Variants in ZFHX3 observed in about 807,000 individuals in gnomAD.
ZFHX3 encodes the protein zinc finger homeobox 3, also known as zinc finger homeobox protein 3.
Under a neutral mutation model 279.1 loss-of-function variants are expected in ZFHX3, and 42 were observed. The ratio of observed to expected loss-of-function variants is 0.15; its 90% CI spans 0.12 to 0.19. The LOEUF is 0.19. Among genes scored for constraint, ZFHX3 ranks in the 10% least tolerant of loss-of-function variants. The pLI, the probability that ZFHX3 is intolerant of heterozygous loss-of-function variation, is 1.00. For missense variants in ZFHX3, 4,981 were observed against 4,754.0 expected (o/e 1.05, Z -1.40); for synonymous variants, 2,293 against 1,957.8 (o/e 1.17, Z -4.52).
intron 2 of ZFHX3, among the ~76,000 whole-genome samples, chr16:73,575,194 C>T (rs955920729): frequency 1.3e-5 from 2 of 152,172 alleles, no homozygotes; most frequent in African/African-American, 2.4e-5. Context: ...AATCCTGCTC[C>T]TGGAATATGT....
At chr16:73,250,686 A>T (rs2013459889) in intron 5 of ZFHX3, among the ~76,000 whole-genome samples, 1 of 150,682 alleles carries the variant, frequency 6.6e-6, no homozygotes, top group Non-Finnish European at 1.5e-5. Context: ...GGTGCCCGCC[A>T]CCACGTCTGG....
chr16:73,334,560 C>T (rs1487252820), intron 3 of ZFHX3, among the ~76,000 whole-genome samples: 1 of 152,074 alleles, frequency 6.6e-6, no homozygotes, highest in Non-Finnish European at 1.5e-5. Context: ...CCGAGGTTGG[C>T]AGAGGGGCCA....
intron 3 of ZFHX3, among the ~76,000 whole-genome samples, chr16:73,333,771 G>A (rs1179538818): frequency 6.9e-6 from 1 of 145,308 alleles, no homozygotes; most frequent in Non-Finnish European, 1.5e-5. Flanking sequence ...TCAGATGTGG[G>A]ATGAGGTCAA....
intron 2 of ZFHX3, among the ~76,000 whole-genome samples, chr16:73,540,699 CA>C (rs1459550462): frequency 6.6e-6 from 1 of 152,166 alleles, no homozygotes; most frequent in Non-Finnish European, 1.5e-5. Context: ...CATTGTCCAC[CA>C]CCTTCACTGT....
At chr16:73,657,338 T>C (rs1035383654) in intron 2 of ZFHX3, among the ~76,000 whole-genome samples, 2 of 152,200 alleles carry the variant, frequency 1.3e-5, no homozygotes, top group African/African-American at 4.8e-5. Flanking sequence ...ATGCCTGCAA[T>C]CCCAGCTACT....
At chr16:73,202,907 C>CTTTTTTTTTTTTTTT (rs10718356) in intron 5 of ZFHX3, among the ~76,000 whole-genome samples, 1 of 76,170 alleles carries the variant, frequency 1.3e-5, no homozygotes, top group Non-Finnish European at 2.7e-5. Flanking sequence ...TTCTTTCTTT[C>CTTTTTTTTTTTTTTT]TTTTTTTTTT....
At chr16:73,559,206 C>A (rs1189107452) in intron 2 of ZFHX3, among the ~76,000 whole-genome samples, 1 of 152,060 alleles carries the variant, frequency 6.6e-6, no homozygotes, top group Non-Finnish European at 1.5e-5. Context: ...TACCACCATG[C>A]CCAGCTGATT....
intron 1 of ZFHX3, among the ~76,000 whole-genome samples, chr16:73,022,033 C>A (rs559196254): frequency 8.5e-4 from 130 of 152,228 alleles, no homozygotes; most frequent in Middle Eastern, 3.4e-3. Flanking sequence ...AACCTGCCAA[C>A]TACTGCTCAC....
chr16:73,389,611 A>G (rs2016970788), intron 3 of ZFHX3, among the ~76,000 whole-genome samples: 1 of 152,186 alleles, frequency 6.6e-6, no homozygotes, highest in Non-Finnish European at 1.5e-5. Context: ...AGTAAAAGGC[A>G]ACACACAGCT....
At chr16:73,192,657 C>T (rs949733755) in intron 5 of ZFHX3, among the ~76,000 whole-genome samples, 2 of 152,174 alleles carry the variant, frequency 1.3e-5, no homozygotes, top group African/African-American at 2.4e-5. Context: ...GAGGGCTGAT[C>T]CTGTTTTTGA....
At chr16:73,546,451 T>C in intron 2 of ZFHX3, among the ~76,000 whole-genome samples, 1 of 145,486 alleles carries the variant, frequency 6.9e-6, no homozygotes, top group African/African-American at 2.6e-5. Context: ...AGGACAGAGT[T>C]GGTATTACAG....
intron 1 of ZFHX3, among the ~76,000 whole-genome samples, chr16:73,819,917 T>C (rs1960684900): frequency 6.6e-6 from 1 of 152,106 alleles, no homozygotes; most frequent in African/African-American, 2.4e-5. Context: ...CTGTGGCAGA[T>C]CTTATTTTCC....
chr16:73,713,628 C>CT (rs113612111), intron 1 of ZFHX3, among the ~76,000 whole-genome samples: 46 of 146,890 alleles, frequency 3.1e-4, no homozygotes, highest in African/African-American at 1.0e-3. Context: ...AAGATATTAG[C>CT]TTTTTTTTTT....
intron 3 of ZFHX3, among the ~76,000 whole-genome samples, chr16:73,386,204 C>CTG (rs1475970845): frequency 2.0e-5 from 3 of 152,004 alleles, no homozygotes; most frequent in African/African-American, 4.8e-5. Context: ...GTCTCTGTCT[C>CTG]TCTCTCTCTC....
At chr16:73,150,501 A>T (rs907461057) in intron 5 of ZFHX3, among the ~76,000 whole-genome samples, 6 of 152,226 alleles carry the variant, frequency 3.9e-5, no homozygotes, top group Non-Finnish European at 7.3e-5. Flanking sequence ...AATACACAGC[A>T]AGTGGCAGCT....
chr16:73,394,575 G>A (rs1191866047), intron 3 of ZFHX3, among the ~76,000 whole-genome samples: 7 of 152,140 alleles, frequency 4.6e-5, no homozygotes, highest in African/African-American at 1.7e-4. Context: ...GGGATTACAG[G>A]TGTGAGCCAC....
At chr16:73,254,113 C>T (rs28701000) in intron 5 of ZFHX3, among the ~76,000 whole-genome samples, 2,401 of 152,238 alleles carry the variant, frequency 0.016, 78 homozygotes, top group African/African-American at 0.056. Flanking sequence ...GGTACCAGAA[C>T]TGCAGCATTC....
At chr16:73,870,852 C>G (rs1020055640) in intron 1 of ZFHX3, among the ~76,000 whole-genome samples, 1 of 152,158 alleles carries the variant, frequency 6.6e-6, no homozygotes, top group Admixed American at 6.5e-5. Context: ...ATAAATACCT[C>G]CCCACTTTCT....
chr16:73,093,371 C>T (rs1435442214), exon 8 of ZFHX3: 2 of 419,402 alleles, frequency 4.8e-6, no homozygotes, highest in Non-Finnish European at 9.5e-6. Flanking sequence ...CCACAGGGGA[C>T]GACCCTGAAA....
Sources: allele counts gnomAD v4.1 joint callset (sites outside exome capture counted in the v4.1 genomes callset), GRCh38; gene constraint gnomAD v4.1.1; transcripts MANE v1.5; gene names NCBI Gene and HGNC (gene_info 2026-07-23, HGNC 2026-07-21).